The following CTCF variants were observed in gnomAD, a reference collection of about 807,000 sequenced individuals.
The protein encoded by CTCF is transcriptional repressor CTCF.
A neutral mutation model predicts 72.3 loss-of-function variants in CTCF; 7 were observed. That is an observed-to-expected ratio of 0.10 (90% CI 0.06 to 0.18). The LOEUF (loss-of-function observed/expected upper bound fraction) is 0.18, where lower values mean the gene tolerates loss of function less well. Ranked by LOEUF, CTCF falls within the 10% of genes least tolerant of loss-of-function variation. The probability of loss-of-function intolerance (pLI) is 1.00; values close to 1 mark genes in which losing one functional copy is unlikely to be tolerated. For synonymous variants in CTCF, 374 were observed against 315.8 expected (o/e 1.18, Z -1.95); for missense variants, 516 against 949.1 (o/e 0.54, Z 6.00).
intron 5 of CTCF, among the ~76,000 whole-genome samples, chr16:67,619,111 G>A (rs973294514): frequency 6.6e-6 from 1 of 152,144 alleles, no homozygotes; most frequent in South Asian, 2.1e-4. Flanking sequence ...GATAGTTATC[G>A]ACTTATGTGT....
Position 67,604,752 on chromosome 16 carries a change from G to GT in CTCF, c.-9-6060dup, listed in dbSNP as rs1242814743. Among the ~76,000 whole-genome samples the GT allele has an allele frequency of 1.6e-3, 159 of 98,876 alleles. 2 individuals are homozygous for GT. Among genetic ancestry groups the GT allele is most frequent in the East Asian group, 7.0e-3 (29 of 4,152 alleles). The allele number at this position is 98,876 out of a possible 152,430, so 64.9% of individuals were successfully genotyped here. ...AGGGTTTTTTTTTTTTTTGTTTTTT[G>GT]TTTTTTTTTTTTACTTTTTAATATG... On this transcript the variant is annotated intron_variant, in intron 2 of 11. Transcript: ENST00000264010.
At chr16:67,590,150 A>G (rs532361324) in intron 2 of CTCF, among the ~76,000 whole-genome samples, 4 of 151,526 alleles carry the variant, frequency 2.6e-5, no homozygotes, top group Non-Finnish European at 5.9e-5. Flanking sequence ...GTTCCTTTCT[A>G]CAGCAGCGTC....
chr16:67,629,390 T>G lies in CTCF; in HGVS notation c.1702-8T>G. On this transcript the variant is annotated splice_region_variant and splice_polypyrimidine_tract_variant and intron_variant, in intron 9 of 11. Transcript: ENST00000264010. The stretch of plus-strand genomic sequence containing the variant: ...TGGTGTGAAAGAGGATTTTGTTCTT[T>G]TTGTTAGAATACCATGGCAAGACAT... 6.3e-7 allele frequency: 1 copy of G among 1,593,204 alleles called. No homozygotes were observed. Among genetic ancestry groups the G allele is most frequent in the Non-Finnish European group, 8.5e-7 (1 of 1,172,206 alleles).
At chr16:67,565,549 C>T (rs543605968) in intron 1 of CTCF, among the ~76,000 whole-genome samples, 16 of 151,736 alleles carry the variant, frequency 1.1e-4, no homozygotes, top group Non-Finnish European at 2.2e-4. Flanking sequence ...TGGCACACGC[C>T]GTAGTCCTGG....
At chr16:67,606,168 C>G (rs2051970549) in intron 2 of CTCF, among the ~76,000 whole-genome samples, 1 of 152,126 alleles carries the variant, frequency 6.6e-6, no homozygotes, top group Non-Finnish European at 1.5e-5. Context: ...TCTTACTACC[C>G]TCTCCTCTGT....
intron 1 of CTCF, among the ~76,000 whole-genome samples, chr16:67,564,676 T>C (rs991527539): frequency 6.6e-6 from 1 of 152,266 alleles, no homozygotes; most frequent in Admixed American, 6.5e-5. Context: ...GTAGCATGTT[T>C]TATTTATTTA....
chr16:67,577,356 T>TG (rs2051511175), intron 2 of CTCF, among the ~76,000 whole-genome samples: 1 of 112,276 alleles, frequency 8.9e-6, no homozygotes, highest in Non-Finnish European at 1.8e-5. Flanking sequence ...AGGCTCTGTC[T>TG]CAAAAAAAAA....
intron 4 of CTCF, among the ~76,000 whole-genome samples, chr16:67,613,658 C>A (rs556000368): frequency 6.6e-6 from 1 of 152,168 alleles, no homozygotes. Context: ...CGCCTGTAAA[C>A]CCAGCTACTT....
intron 2 of CTCF, among the ~76,000 whole-genome samples, chr16:67,604,177 G>C (rs185975863): frequency 1.9e-4 from 29 of 151,518 alleles, no homozygotes; most frequent in Admixed American, 3.3e-4. Context: ...GAGCATGGTG[G>C]CATAAACTGT....
intron 2 of CTCF, among the ~76,000 whole-genome samples, chr16:67,609,585 C>A (rs1204983028): frequency 6.6e-6 from 1 of 150,510 alleles, no homozygotes; most frequent in East Asian, 1.9e-4. Flanking sequence ...ATCAGAGTTT[C>A]TCAGCCTCAG....
intron 1 of CTCF, among the ~76,000 whole-genome samples, chr16:67,566,435 G>A (rs2051343537): frequency 6.7e-6 from 1 of 148,542 alleles, no homozygotes; most frequent in African/African-American, 2.5e-5. Flanking sequence ...ACTTGAACCC[G>A]GGAGGCGGAG....
intron 2 of CTCF, among the ~76,000 whole-genome samples, chr16:67,600,193 TGAGTCCTTTTTAGTA>T (rs1268699554): frequency 1.3e-5 from 2 of 152,248 alleles, no homozygotes; most frequent in East Asian, 3.9e-4. Context: ...AGGAGGGAGT[TGAGTCCTTTTTAGTA>T]AGGACAGATA....
At chr16:67,623,940 T>C (rs1231184209) in intron 7 of CTCF, among the ~76,000 whole-genome samples, 2 of 149,776 alleles carry the variant, frequency 1.3e-5, no homozygotes, top group African/African-American at 2.5e-5. Flanking sequence ...CCCAGGTACT[T>C]GGGAGGCTGA....
At chr16:67,591,035 G>A (rs891162589) in intron 2 of CTCF, among the ~76,000 whole-genome samples, 7 of 149,616 alleles carry the variant, frequency 4.7e-5, no homozygotes, top group East Asian at 2.0e-4. Context: ...GTGAGCCACC[G>A]TAATCCCAGC....
chr16:67,618,923 T>C (rs2052166750), intron 5 of CTCF, among the ~76,000 whole-genome samples: 1 of 152,200 alleles, frequency 6.6e-6, no homozygotes, highest in Admixed American at 6.5e-5. Flanking sequence ...TAAGAAAAAT[T>C]TGAAAATAGA....
rs753317087 is a variant in CTCF, at chr16:67,637,685, C to T, written c.2000-3C>T. On this transcript the variant is annotated splice_region_variant and splice_polypyrimidine_tract_variant and intron_variant, in intron 11 of 11. Transcript: ENST00000264010. Reference sequence around the variant, plus strand: ...TTGTTCTGTCTGTGCTCTTCTTTGCCAGCAACAGCTATCATTCAGGTTGAA... The same window carrying T: ...TTGTTCTGTCTGTGCTCTTCTTTGCTAGCAACAGCTATCATTCAGGTTGAA... 6.2e-7 allele frequency: 1 copy of T among 1,609,542 alleles called. No homozygotes were observed. Among genetic ancestry groups the T allele is most frequent in the Non-Finnish European group, 8.5e-7 (1 of 1,177,034 alleles).
chr16:67,577,604 A>G (rs981434679), intron 2 of CTCF, among the ~76,000 whole-genome samples: 6 of 143,682 alleles, frequency 4.2e-5, no homozygotes, highest in African/African-American at 7.6e-5. Context: ...CGCCTGCCTA[A>G]TTTTTTTTTT....
chr16:67,619,114 TTA>T (rs1204499271), intron 5 of CTCF, among the ~76,000 whole-genome samples: 8 of 152,334 alleles, frequency 5.3e-5, no homozygotes, highest in Admixed American at 5.2e-4. Context: ...AGTTATCGAC[TTA>T]TGTGTGTGAA....
intron 8 of CTCF, chr16:67,627,922 CAAAAA>C (rs966649326): frequency 1.4e-3 from 62 of 45,522 alleles, no homozygotes; most frequent in Non-Finnish European, 7.6e-4. Context: ...GACTCCATCT[CAAAAA>C]AAAAAAAAAA....
Sources: allele counts gnomAD v4.1 joint callset (sites outside exome capture counted in the v4.1 genomes callset), GRCh38; gene constraint gnomAD v4.1.1; transcripts MANE v1.5; gene names NCBI Gene and HGNC (gene_info 2026-07-23, HGNC 2026-07-21).